The following TCF20 variants were observed in gnomAD, a reference collection of about 807,000 sequenced individuals.
The protein encoded by TCF20 is SPRE-binding protein.
TCF20 carries 3 observed loss-of-function variants against 148.6 expected under a neutral mutation model. The observed-to-expected ratio is 0.02, with a 90% CI of 0.01 to 0.05. TCF20 has a LOEUF of 0.05. Among genes scored for constraint, TCF20 ranks in the 10% least tolerant of loss-of-function variants. The pLI is 1.00. For missense variants in TCF20, 2,350 were observed against 2,429.3 expected, an observed-to-expected ratio of 0.97 and a Z score of 0.69; for synonymous variants, 1,049 against 909.5, an observed-to-expected ratio of 1.15 and a Z score of -2.76.
At chr22:42,254,456 G>A (rs1024770588) in intron 1 of TCF20, among the ~76,000 whole-genome samples, 3 of 152,208 alleles carry the variant, frequency 2.0e-5, no homozygotes, top group African/African-American at 7.2e-5. Context: ...CAGAGCCAGG[G>A]TGCCTGTGGT....
rs566328668 is a variant in TCF20 at position 42,291,052 on chromosome 22, AGGGTC to A, written c.-37+52422_-37+52426del. On this transcript the variant is annotated intron_variant, in intron 1 of 1. Coordinates refer to the TCF20 transcript ENST00000515426. ...CCCCAGGCTGCCAGGATCGGAACCT[AGGGTC>A]CTCTCCTCTGGACAGTGGAGCCTCA... is the stretch of plus-strand genomic sequence containing the variant. 7.6e-3 allele frequency among the ~76,000 whole-genome samples: 1,155 copies of A among 152,260 alleles called. 14 individuals are homozygous for A. Among genetic ancestry groups the A allele is most frequent in the African/African-American group, 0.026 (1,091 of 41,562 alleles).
upstream of TCF20, among the ~76,000 whole-genome samples, chr22:42,273,127 A>AGGGG (rs35219812): frequency 2.0e-5 from 3 of 151,954 alleles, no homozygotes; most frequent in African/African-American, 7.3e-5. Context: ...TGGGAGGCCA[A>AGGGG]GGGGGGTGTA....
At chr22:42,195,694 T>C (rs1307643614) in intron 2 of TCF20, among the ~76,000 whole-genome samples, 2 of 152,038 alleles carry the variant, frequency 1.3e-5, no homozygotes, top group East Asian at 3.9e-4. Context: ...GAGATGGGGT[T>C]TCCCCACGTT....
At chr22:42,178,263 G>T (rs1234250553) in intron 3 of TCF20, among the ~76,000 whole-genome samples, 1 of 152,146 alleles carries the variant, frequency 6.6e-6, no homozygotes, top group Non-Finnish European at 1.5e-5. Context: ...TGAATTCTGT[G>T]AGCCATGTTA....
intron 1 of TCF20, among the ~76,000 whole-genome samples, chr22:42,236,330 C>T (rs766922534): frequency 1.3e-5 from 2 of 152,180 alleles, no homozygotes; most frequent in South Asian, 2.1e-4. Context: ...TAATTTTTGT[C>T]ATTCTCGAGT....
rs1491383092 is a variant in TCF20, at chr22:42,242,226, AAC to A, written c.-36-26887_-36-26886del. Among the ~76,000 whole-genome samples the A allele has an allele frequency of 4.0e-4, 56 of 141,060 alleles. 1 individual carries two copies. The highest frequency in any genetic ancestry group is 1.2e-3 in the African/African-American group (46 of 38,042). 92.5% of individuals were successfully genotyped at this position (141,060 alleles called of 152,430 possible). On this transcript the variant is annotated intron_variant, in intron 1 of 5. Transcript: ENST00000677622. The stretch of plus-strand genomic sequence containing the variant: ...TCAAAAAAAAAAAAAAAAAAAAAAA[AAC>A]AGAAAAGAAAGGGTGACTACAAGGT...
Position 42,213,015 on chromosome 22 carries a change from GGGT to G in TCF20, c.2288_2290del (p.His763del). ...AGTACTCCTAGAATATCTCCTGTCA[GGGT>G]GGTGGTGGTAACCCTGAAGCACTTC... On this transcript the variant is annotated inframe_deletion, in exon 2 of 6. Transcript: ENST00000677622. The G allele has an allele frequency of 6.2e-7, 1 of 1,614,110 alleles. No homozygotes were observed. The highest frequency in any genetic ancestry group is 8.5e-7 in the Non-Finnish European group (1 of 1,179,998).
intron 1 of TCF20, among the ~76,000 whole-genome samples, chr22:42,304,060 C>G (rs1927389269): frequency 6.6e-6 from 1 of 151,904 alleles, no homozygotes; most frequent in Non-Finnish European, 1.5e-5. Context: ...AGCTAGGTCC[C>G]AGCCAGCCCA....
At chr22:42,291,419 G>C (rs190885165) in intron 1 of TCF20, among the ~76,000 whole-genome samples, 1 of 152,136 alleles carries the variant, frequency 6.6e-6, no homozygotes, top group Non-Finnish European at 1.5e-5. Context: ...CTAGAGTCTC[G>C]ACCAGGGTAG....
At chr22:42,169,628 T>C (rs1408898451) in intron 4 of TCF20, among the ~76,000 whole-genome samples, 1 of 152,206 alleles carries the variant, frequency 6.6e-6, no homozygotes, top group East Asian at 1.9e-4. Context: ...ACATTTCTCC[T>C]GGGATCCTCA....
intron 1 of TCF20, among the ~76,000 whole-genome samples, chr22:42,324,083 T>TGGTGATGGAGGTTATGGTGGTGGA (rs1927814791): frequency 6.8e-6 from 1 of 146,462 alleles, no homozygotes; most frequent in Admixed American, 6.7e-5. Flanking sequence ...GTGGTGGTGG[T>TGGTGATGGAGGTTATGGTGGTGGA]GGTGGTGATG....
At chr22:42,174,867 C>T (rs1027724569) in intron 3 of TCF20, among the ~76,000 whole-genome samples, 3 of 152,048 alleles carry the variant, frequency 2.0e-5, no homozygotes, top group African/African-American at 7.2e-5. Context: ...AACCCCGTCT[C>T]TACTAAAAAC....
upstream of TCF20, among the ~76,000 whole-genome samples, chr22:42,273,360 CA>C (rs35166029): frequency 0.17 from 10,254 of 60,174 alleles, 186 homozygotes; most frequent in East Asian, 0.31. Context: ...AACTCCGTCT[CA>C]AAAAAAAAAA....
At chr22:42,216,481 C>T (rs1921819105) in intron 1 of TCF20, among the ~76,000 whole-genome samples, 1 of 152,140 alleles carries the variant, frequency 6.6e-6, no homozygotes, top group Non-Finnish European at 1.5e-5. Context: ...TGGAGTCAAC[C>T]TCTTCTTGGC....
intron 2 of TCF20, among the ~76,000 whole-genome samples, chr22:42,205,040 C>CA (rs1278983342): frequency 2.0e-5 from 3 of 152,050 alleles, no homozygotes; most frequent in Non-Finnish European, 4.4e-5. Flanking sequence ...GATCCATGGC[C>CA]ACCAGATCTA....
At chr22:42,209,533 G>C in intron 2 of TCF20, 118 bp downstream of exon 2, 1 of 1,170,878 alleles carries the variant, frequency 8.5e-7, no homozygotes, top group East Asian at 2.4e-5. Flanking sequence ...TCCATCACAT[G>C]GGCATAGGCA....
intron 1 of TCF20, among the ~76,000 whole-genome samples, chr22:42,341,368 G>A (rs372898801): frequency 8.5e-5 from 13 of 152,324 alleles, no homozygotes; most frequent in African/African-American, 2.9e-4. Flanking sequence ...TTCCCCGGGA[G>A]GACATCAGGG....
intron 2 of TCF20, among the ~76,000 whole-genome samples, chr22:42,193,241 G>C (rs1022583562): frequency 1.3e-5 from 2 of 149,876 alleles, no homozygotes; most frequent in Admixed American, 1.3e-4. Context: ...ACCAAGTTTA[G>C]AAATCCTGCA....
chr22:42,239,788 G>A (rs540858953), intron 1 of TCF20, among the ~76,000 whole-genome samples: 4 of 152,194 alleles, frequency 2.6e-5, no homozygotes, highest in African/African-American at 2.4e-5. Context: ...GCGAGACTCC[G>A]ACTCAAAAAT....
Sources: gnomAD v4.1 joint callset for allele counts (sites outside exome capture counted in the v4.1 genomes callset) on GRCh38, gnomAD v4.1.1 for gene constraint, MANE v1.5 for transcripts, NCBI Gene and HGNC (gene_info 2026-07-23, HGNC 2026-07-21) for gene names.